LRRC37A2: variants seen among roughly 807,000 people sequenced by gnomAD.
LRRC37A2 encodes leucine rich repeat containing 37 member A2.
LRRC37A2 carries 9 observed loss-of-function variants against 68.8 expected under a neutral mutation model. The observed-to-expected ratio is 0.13, with a 90% CI of 0.08 to 0.23. The LOEUF (loss-of-function observed/expected upper bound fraction) is 0.23, where lower values mean the gene tolerates loss of function less well. Ranked by LOEUF, LRRC37A2 falls within the 10% of genes least tolerant of loss-of-function variation. The pLI, the probability that LRRC37A2 is intolerant of heterozygous loss-of-function variation, is 1.00. For missense variants in LRRC37A2, 168 were observed against 950.4 expected, an observed-to-expected ratio of 0.18 and a Z score of 10.82; for synonymous variants, 63 against 367.6, an observed-to-expected ratio of 0.17 and a Z score of 9.48.
At chr17:46,848,027 G>A in the LRRC37A2 span, among the ~76,000 whole-genome samples, 2 of 151,732 alleles carry the variant, frequency 1.3e-5, no homozygotes, top group Non-Finnish European at 2.9e-5. Flanking sequence ...AGGAGGAGAG[G>A]GCTCCAGCCC....
the LRRC37A2 span, among the ~76,000 whole-genome samples, chr17:46,781,027 G>A: frequency 6.6e-6 from 1 of 151,824 alleles, no homozygotes; most frequent in Non-Finnish European, 1.5e-5. Context: ...TCAGGAGTTC[G>A]AGACCAGCCT....
the LRRC37A2 span, among the ~76,000 whole-genome samples, chr17:46,896,783 T>C: frequency 6.6e-6 from 1 of 152,186 alleles, no homozygotes; most frequent in African/African-American, 2.4e-5. Flanking sequence ...TGCCACTCAC[T>C]GTCCCCTATT....
the LRRC37A2 span, chr17:46,768,237 G>A: frequency 1.9e-6 from 3 of 1,594,726 alleles, 1 homozygote; most frequent in South Asian, 2.2e-5. The surrounding 1 kb of genome is among the most constrained non-coding windows in gnomAD (Gnocchi z 5.0). Context: ...GGGTCGTCAA[G>A]AAGACGAGAT....
chr17:47,015,326 A>G, the LRRC37A2 span, among the ~76,000 whole-genome samples: 1 of 152,080 alleles, frequency 6.6e-6, no homozygotes, highest in African/African-American at 2.4e-5. Flanking sequence ...TGTCTTTTAC[A>G]CAGTATTTTA....
chr17:46,734,192 A>G, the LRRC37A2 span, among the ~76,000 whole-genome samples: 1 of 152,214 alleles, frequency 6.6e-6, no homozygotes, highest in Non-Finnish European at 1.5e-5. Flanking sequence ...ATAAGCAGAT[A>G]ATGGAAGAGA....
the LRRC37A2 span, chr17:46,930,129 C>A: frequency 6.5e-6 from 1 of 154,782 alleles, no homozygotes; most frequent in Non-Finnish European, 1.4e-5. Context: ...GGCTGCCTAC[C>A]CACCCCACTG....
chr17:46,904,765 C>A, the LRRC37A2 span, among the ~76,000 whole-genome samples: 1 of 152,290 alleles, frequency 6.6e-6, no homozygotes, highest in African/African-American at 2.4e-5. Flanking sequence ...TTGCATGAAG[C>A]CTTCACATGA....
the LRRC37A2 span, chr17:46,923,071 G>A: frequency 1.4e-6 from 1 of 733,428 alleles, no homozygotes; most frequent in Non-Finnish European, 2.4e-6. Context: ...CGCGCGTGCG[G>A]GCAGCCCTGG....
the LRRC37A2 span, chr17:47,017,157 G>A: frequency 4.8e-5 from 77 of 1,607,514 alleles, no homozygotes; most frequent in Middle Eastern, 2.2e-4. Context: ...CGGGACTCAC[G>A]CTTACAAGGG....
At chr17:46,750,311 C>T in the LRRC37A2 span, among the ~76,000 whole-genome samples, 1 of 152,192 alleles carries the variant, frequency 6.6e-6, no homozygotes, top group Non-Finnish European at 1.5e-5. Flanking sequence ...CAAGATTGTG[C>T]CACTGCACTC....
At chr17:46,977,279 C>T in the LRRC37A2 span, among the ~76,000 whole-genome samples, 1 of 152,220 alleles carries the variant, frequency 6.6e-6, no homozygotes, top group South Asian at 2.1e-4. Flanking sequence ...CTCCCACCCA[C>T]AGCAAAAGAG....
chr17:46,811,347 G>A, the LRRC37A2 span, among the ~76,000 whole-genome samples: 6 of 152,174 alleles, frequency 3.9e-5, no homozygotes, highest in Admixed American at 6.5e-5. Context: ...TCCTGTCAAT[G>A]GCGCGGAAGT....
chr17:47,037,984 C>T, the LRRC37A2 span, among the ~76,000 whole-genome samples: 2 of 150,344 alleles, frequency 1.3e-5, no homozygotes, highest in East Asian at 4.0e-4. Flanking sequence ...GTAATGTCCC[C>T]TCTCATTTCT....
chr17:46,920,899 G>C, the LRRC37A2 span, among the ~76,000 whole-genome samples: 1 of 152,142 alleles, frequency 6.6e-6, no homozygotes, highest in Non-Finnish European at 1.5e-5. Flanking sequence ...TCAGAAGAGA[G>C]GGAAAATAGC....
At chr17:46,710,122 TG>T in the LRRC37A2 span, among the ~76,000 whole-genome samples, 1 of 152,244 alleles carries the variant, frequency 6.6e-6, no homozygotes, top group East Asian at 1.9e-4. Context: ...AGGGATGTGA[TG>T]ATCTTTAAAA....
the LRRC37A2 span, among the ~76,000 whole-genome samples, chr17:47,013,308 AC>A: frequency 6.6e-6 from 1 of 152,176 alleles, no homozygotes; most frequent in Non-Finnish European, 1.5e-5. Context: ...TATACTAAAA[AC>A]CATTGAATTG....
chr17:46,839,168 G>C, the LRRC37A2 span, among the ~76,000 whole-genome samples: 1 of 152,192 alleles, frequency 6.6e-6, no homozygotes, highest in Non-Finnish European at 1.5e-5. Flanking sequence ...GTGAGCCACC[G>C]CACCTGGCCT....
At chr17:46,672,218 C>CA in the LRRC37A2 span, among the ~76,000 whole-genome samples, 1 of 31,894 alleles carries the variant, frequency 3.1e-5, no homozygotes, top group African/African-American at 1.2e-4. Context: ...GTCTGCTGAT[C>CA]AATTTATAGA....
chr17:46,550,682 T>G, intron 11 of LRRC37A2, 163 bp downstream of exon 10: 3 of 715,946 alleles, frequency 4.2e-6, no homozygotes, highest in Non-Finnish European at 7.1e-6. Context: ...TTTACTGCAG[T>G]GTATATTTCA....
Sources: allele counts gnomAD v4.1 joint callset (sites outside exome capture counted in the v4.1 genomes callset), GRCh38; gene constraint gnomAD v4.1.1; non-coding constraint Gnocchi (gnomAD v3.1); transcripts MANE v1.5; gene names NCBI Gene and HGNC (gene_info 2026-07-23, HGNC 2026-07-21).